N4BP2L2: variants seen among roughly 807,000 people sequenced by gnomAD.
The protein encoded by N4BP2L2 is NEDD4-binding protein 2-like 2.
In N4BP2L2, 50 loss-of-function variants were observed where a neutral mutation model predicts 56.2. The ratio of observed to expected loss-of-function variants is 0.89; its 90% CI spans 0.71 to 1.13. The LOEUF is 1.13. Among genes scored for constraint, N4BP2L2 ranks in the 50% most tolerant of loss-of-function variants. The probability of loss-of-function intolerance (pLI) is 0.00; values close to 1 mark genes in which losing one functional copy is unlikely to be tolerated. For synonymous variants in N4BP2L2, 203 were observed against 223.6 expected, an observed-to-expected ratio of 0.91 and a Z score of 0.82; for missense variants, 689 against 693.8, an observed-to-expected ratio of 0.99 and a Z score of 0.08.
intron 6 of N4BP2L2, among the ~76,000 whole-genome samples, chr13:32,446,057 C>T (rs188319870): frequency 1.3e-5 from 2 of 152,120 alleles, no homozygotes; most frequent in African/African-American, 2.4e-5. Context: ...AGAGATGATG[C>T]GGAAAAGAGA....
chr13:32,518,411 T>C (rs924482317), intron 5 of N4BP2L2, among the ~76,000 whole-genome samples: 1 of 152,196 alleles, frequency 6.6e-6, no homozygotes, highest in African/African-American at 2.4e-5. Context: ...TGACAGTTGC[T>C]ATCACATTTT....
intron 6 of N4BP2L2, chr13:32,477,329 T>C: frequency 1.5e-5 from 3 of 195,796 alleles, no homozygotes; most frequent in East Asian, 1.3e-4. Context: ...AAGTACAGCA[T>C]GTGGTCATTT....
intron 2 of N4BP2L2, among the ~76,000 whole-genome samples, chr13:32,529,674 G>A (rs1179249327): frequency 3.4e-5 from 5 of 146,114 alleles, no homozygotes; most frequent in African/African-American, 2.6e-5. Context: ...TTTTTGTTTC[G>A]TTTTGTTTTG....
intron 6 of N4BP2L2, among the ~76,000 whole-genome samples, chr13:32,490,300 T>TTTTG (rs773324677): frequency 2.6e-5 from 4 of 152,000 alleles, no homozygotes; most frequent in Non-Finnish European, 5.9e-5. Context: ...TGTTTTGTTT[T>TTTTG]TTTGTTTGTT....
chr13:32,480,606 C>G (rs1347534387), intron 6 of N4BP2L2: 1 of 1,286,724 alleles, frequency 7.8e-7, no homozygotes, highest in Non-Finnish European at 1.0e-6. Flanking sequence ...TGCTGTCTTA[C>G]TAGGAAACAT....
At chr13:32,451,984 G>T (rs1409277956) in intron 6 of N4BP2L2, among the ~76,000 whole-genome samples, 1 of 151,912 alleles carries the variant, frequency 6.6e-6, no homozygotes, top group African/African-American at 2.4e-5. Context: ...TCAAGGAATT[G>T]TTCACTGCAA....
intron 6 of N4BP2L2, among the ~76,000 whole-genome samples, chr13:32,480,310 T>C (rs1365388205): frequency 6.6e-6 from 1 of 152,194 alleles, no homozygotes. Flanking sequence ...TATATTTATT[T>C]TCAAAGAAAC....
At chr13:32,492,029 G>T (rs1301113762) in intron 6 of N4BP2L2, among the ~76,000 whole-genome samples, 2 of 152,130 alleles carry the variant, frequency 1.3e-5, no homozygotes, top group African/African-American at 4.8e-5. Flanking sequence ...TGTAAGAAAA[G>T]TCTTTTCATA....
chr13:32,485,909 A>C (rs2085744959), intron 6 of N4BP2L2, among the ~76,000 whole-genome samples: 1 of 152,120 alleles, frequency 6.6e-6, no homozygotes, highest in African/African-American at 2.4e-5. Context: ...TCTCTACAAA[A>C]ATATTAAAAA....
At chr13:32,502,642 T>C (rs1275685018) in intron 6 of N4BP2L2, among the ~76,000 whole-genome samples, 4 of 152,186 alleles carry the variant, frequency 2.6e-5, no homozygotes, top group Non-Finnish European at 4.4e-5. Flanking sequence ...CTTGATCAAG[T>C]GCAGTCAAAA....
intron 6 of N4BP2L2, among the ~76,000 whole-genome samples, chr13:32,465,010 A>G (rs937957556): frequency 2.0e-5 from 3 of 151,968 alleles, no homozygotes; most frequent in Admixed American, 6.6e-5. Flanking sequence ...TTTTTCACCG[A>G]GGATGGAGTG....
intron 8 of N4BP2L2, among the ~76,000 whole-genome samples, chr13:32,436,664 C>A (rs1022369443): frequency 1.3e-5 from 2 of 151,346 alleles, no homozygotes; most frequent in Admixed American, 6.6e-5. Context: ...GTGGTGCATG[C>A]CTGTAGTCCC....
chr13:32,527,635 A>G (rs755184828), intron 2 of N4BP2L2, 103 bp from the exon 3 acceptor site: 91 of 1,314,714 alleles, frequency 6.9e-5, no homozygotes, highest in Non-Finnish European at 8.8e-5. Context: ...ATCACACAGG[A>G]AAGGTTATTA....
At chr13:32,438,525 G>A (rs1384981228) in intron 8 of N4BP2L2, 5 of 642,762 alleles carry the variant, frequency 7.8e-6, no homozygotes, top group Non-Finnish European at 1.3e-5. Context: ...CTTGAACCCA[G>A]GAGGTGGAGG....
At chr13:32,459,168 A>G (rs568950832) in intron 6 of N4BP2L2, among the ~76,000 whole-genome samples, 1 of 152,304 alleles carries the variant, frequency 6.6e-6, no homozygotes, top group Admixed American at 6.5e-5. Context: ...ATAGCAATAA[A>G]TGCCTACATT....
At chr13:32,522,881 T>C (rs2051394836) in intron 3 of N4BP2L2, 1 of 152,250 alleles carries the variant, frequency 6.6e-6, no homozygotes. Context: ...CAAATAATGC[T>C]TTTGAAGTAA....
intron 6 of N4BP2L2, among the ~76,000 whole-genome samples, chr13:32,491,765 G>A (rs1408440202): frequency 6.6e-6 from 1 of 151,474 alleles, no homozygotes; most frequent in African/African-American, 2.4e-5. Flanking sequence ...CCAAGTAGCT[G>A]GGACTATAGG....
intron 6 of N4BP2L2, among the ~76,000 whole-genome samples, chr13:32,456,136 C>T (rs1261071560): frequency 6.6e-6 from 1 of 152,194 alleles, no homozygotes; most frequent in Non-Finnish European, 1.5e-5. Flanking sequence ...CAAGGATAGG[C>T]ACACTCAGCC....
At chr13:32,538,070 T>TG (rs34075107) in intron 1 of N4BP2L2, among the ~76,000 whole-genome samples, 12,112 of 63,646 alleles carry the variant, frequency 0.19, 1,208 homozygotes, top group South Asian at 0.25. Flanking sequence ...GACCCCGTCT[T>TG]GGGGGGGGGG....
Sources: gnomAD v4.1 joint callset for allele counts (sites outside exome capture counted in the v4.1 genomes callset) on GRCh38, gnomAD v4.1.1 for gene constraint, MANE v1.5 for transcripts, NCBI Gene and HGNC (gene_info 2026-07-23, HGNC 2026-07-21) for gene names.